Variants in EPHA6 observed in about 807,000 individuals in gnomAD.
EPHA6 encodes ephrin type-A receptor 6.
In EPHA6, 50 loss-of-function variants were observed where a neutral mutation model predicts 112.0. The observed-to-expected ratio is 0.45, with a 90% CI of 0.36 to 0.56. The LOEUF (loss-of-function observed/expected upper bound fraction) is 0.56. Among genes scored for constraint, EPHA6 ranks in the 20% least tolerant of loss-of-function variants. The pLI is 0.00. For missense variants in EPHA6, 1,280 were observed against 1,417.4 expected (o/e 0.90, Z 1.56); for synonymous variants, 529 against 490.7 (o/e 1.08, Z -1.03).
chr3:96,898,856 C>T (rs542388054), intron 2 of EPHA6, among the ~76,000 whole-genome samples: 2 of 151,516 alleles, frequency 1.3e-5, no homozygotes, highest in African/African-American at 2.4e-5. Context: ...GGTGAAACCC[C>T]GTCTCTACTA....
At chr3:97,402,926 T>A (rs576564405) in intron 5 of EPHA6, among the ~76,000 whole-genome samples, 1 of 152,280 alleles carries the variant, frequency 6.6e-6, no homozygotes, top group Admixed American at 6.5e-5. Flanking sequence ...TACTTAAGTC[T>A]TTCTTAGAAA....
At chr3:97,601,491 G>T (rs913232654) in intron 12 of EPHA6, among the ~76,000 whole-genome samples, 10 of 152,082 alleles carry the variant, frequency 6.6e-5, no homozygotes, top group African/African-American at 2.2e-4. Flanking sequence ...GACCAGCCCT[G>T]CTGTAAAACA....
At chr3:97,327,228 A>G (rs949312715) in intron 5 of EPHA6, among the ~76,000 whole-genome samples, 1 of 152,118 alleles carries the variant, frequency 6.6e-6, no homozygotes, top group Admixed American at 6.6e-5. Context: ...TTATATATTT[A>G]CTAATCTATG....
chr3:97,673,514 T>G (rs903009869), intron 14 of EPHA6, among the ~76,000 whole-genome samples: 1 of 152,242 alleles, frequency 6.6e-6, no homozygotes, highest in African/African-American at 2.4e-5. Flanking sequence ...TCAGGTTTCC[T>G]GCCAGCAGCC....
At chr3:97,157,721 A>T (rs2076321487) in intron 3 of EPHA6, among the ~76,000 whole-genome samples, 2 of 152,068 alleles carry the variant, frequency 1.3e-5, no homozygotes, top group South Asian at 4.1e-4. Flanking sequence ...ATGAGAAAAG[A>T]CCAGTGTCCC....
At chr3:97,552,165 G>A (rs1203358095) in intron 11 of EPHA6, among the ~76,000 whole-genome samples, 2 of 152,098 alleles carry the variant, frequency 1.3e-5, no homozygotes, top group African/African-American at 2.4e-5. Flanking sequence ...CTACCTCCAC[G>A]CAGAAAATGT....
intron 8 of EPHA6, 141 bp downstream of exon 8, chr3:97,475,601 C>A: frequency 1.8e-6 from 1 of 569,376 alleles, no homozygotes; most frequent in Non-Finnish European, 3.1e-6. Context: ...TGACAGTGAA[C>A]CATCATTAGT....
At chr3:97,139,112 T>C (rs1345394128) in intron 3 of EPHA6, among the ~76,000 whole-genome samples, 1 of 152,172 alleles carries the variant, frequency 6.6e-6, no homozygotes, top group Admixed American at 6.5e-5. Flanking sequence ...CAGGCTTGTC[T>C]GACCCAGCCC....
At chr3:96,884,138 G>C (rs1272522581) in intron 2 of EPHA6, among the ~76,000 whole-genome samples, 1 of 151,540 alleles carries the variant, frequency 6.6e-6, no homozygotes, top group Non-Finnish European at 1.5e-5. Flanking sequence ...AGTGTAGTTT[G>C]AAATTAGGTA....
intron 4 of EPHA6, among the ~76,000 whole-genome samples, chr3:97,241,615 A>G (rs1039503221): frequency 3.0e-4 from 45 of 151,848 alleles, no homozygotes; most frequent in African/African-American, 7.9e-4. Flanking sequence ...TTAGTAAATG[A>G]TTCACTGTAT....
At chr3:97,610,667 G>C (rs1002111809) in intron 12 of EPHA6, 126 bp from the exon 13 acceptor site, 13 of 727,362 alleles carry the variant, frequency 1.8e-5, no homozygotes, top group Non-Finnish European at 3.1e-5. Flanking sequence ...ATAGAAGCAG[G>C]CTGGAAAATG....
At chr3:97,489,580 G>A (rs906129221) in intron 10 of EPHA6, among the ~76,000 whole-genome samples, 3 of 151,208 alleles carry the variant, frequency 2.0e-5, no homozygotes, top group Admixed American at 6.6e-5. Context: ...CAGCTACTCC[G>A]GAGGCTGAGG....
intron 10 of EPHA6, 71 bp downstream of exon 10, chr3:97,484,130 A>C: frequency 1.4e-6 from 2 of 1,385,816 alleles, no homozygotes; most frequent in South Asian, 1.8e-5. Flanking sequence ...TCAACATACT[A>C]TCTTAAATCT....
chr3:97,070,079 C>T (rs2046306092), intron 3 of EPHA6, among the ~76,000 whole-genome samples: 1 of 152,062 alleles, frequency 6.6e-6, no homozygotes, highest in Non-Finnish European at 1.5e-5. Context: ...TCAGGAAAAG[C>T]TTCCTCGATG....
At chr3:97,398,925 A>G (rs969136805) in intron 5 of EPHA6, among the ~76,000 whole-genome samples, 11 of 151,540 alleles carry the variant, frequency 7.3e-5, no homozygotes, top group African/African-American at 2.2e-4. Flanking sequence ...ATTAACATAT[A>G]CATCCCCTCA....
intron 2 of EPHA6, among the ~76,000 whole-genome samples, chr3:96,984,597 T>G (rs921715410): frequency 1.2e-4 from 18 of 152,332 alleles, no homozygotes; most frequent in African/African-American, 3.8e-4. Context: ...CAGGGACATT[T>G]AAGTCTGCAG....
At chr3:97,232,253 G>C (rs1559815564) in intron 4 of EPHA6, among the ~76,000 whole-genome samples, 1 of 152,184 alleles carries the variant, frequency 6.6e-6, no homozygotes, top group Non-Finnish European at 1.5e-5. Context: ...ATTTAAATGA[G>C]TTAATATTTG....
intron 2 of EPHA6, among the ~76,000 whole-genome samples, chr3:96,870,897 A>G (rs1450109479): frequency 6.6e-6 from 1 of 152,056 alleles, no homozygotes; most frequent in African/African-American, 2.4e-5. Context: ...TTCATATAGT[A>G]AGAAGTAATT....
At chr3:97,686,325 C>G (rs2032246550) in intron 14 of EPHA6, among the ~76,000 whole-genome samples, 1 of 152,092 alleles carries the variant, frequency 6.6e-6, no homozygotes, top group South Asian at 2.1e-4. Flanking sequence ...TCCTTCTCTC[C>G]CTCTTCCCAT....
Sources: gnomAD v4.1 joint callset for allele counts (sites outside exome capture counted in the v4.1 genomes callset) on GRCh38, gnomAD v4.1.1 for gene constraint, MANE v1.5 for transcripts, NCBI Gene and HGNC (gene_info 2026-07-23, HGNC 2026-07-21) for gene names.